The following TNFSF8 variants were observed in gnomAD, a reference collection of about 807,000 sequenced individuals.
TNFSF8 encodes tumor necrosis factor ligand superfamily member 8.
TNFSF8 carries 4 observed loss-of-function variants against 22.0 expected under a neutral mutation model. The observed-to-expected ratio is 0.18, with a 90% CI of 0.09 to 0.42. The LOEUF (loss-of-function observed/expected upper bound fraction) is 0.42. Ranked by LOEUF, TNFSF8 falls within the 10% of genes least tolerant of loss-of-function variation. The pLI is 1.00. For synonymous variants in TNFSF8, 106 were observed against 112.5 expected, an observed-to-expected ratio of 0.94 and a Z score of 0.37; for missense variants, 233 against 281.8, an observed-to-expected ratio of 0.83 and a Z score of 1.24.
At chr9:114,928,330 C>A (rs956280235) in intron 1 of TNFSF8, among the ~76,000 whole-genome samples, 13 of 152,292 alleles carry the variant, frequency 8.5e-5, no homozygotes, top group South Asian at 2.1e-4. Flanking sequence ...TTGGCTCTAC[C>A]ACTTTCTCAG....
At position 114,903,591 on chromosome 9, in the gene TNFSF8, C is replaced by T. The variant is rs1422669643; in HGVS notation, c.*340G>A. 9 of 613,252 alleles carry T rather than the reference C, an allele frequency of 1.5e-5. No individual in the cohort carries two copies. The Admixed American group carries it at 5.1e-4, about 35-fold the overall frequency. The allele number at this position is 613,252 out of a possible 1,614,324, so 38.0% of individuals were successfully genotyped here. A position where few individuals can be genotyped will look rare whatever the true frequency, so the allele number is the denominator to read the frequency against. ...TGCTAGCTGCTCTGGTACTGGAGCC[C>T]CATTTTAACTGGAGGCTCTCAAAAC... is the stretch of plus-strand genomic sequence containing the variant. On this transcript the variant is annotated 3_prime_UTR_variant, in exon 4 of 4. Coordinates refer to ENST00000223795, the MANE Select transcript of TNFSF8 (RefSeq NM_001244.4).
chr9:114,926,211 T>C (rs1286724079), intron 1 of TNFSF8, among the ~76,000 whole-genome samples: 1 of 152,204 alleles, frequency 6.6e-6, no homozygotes, highest in Non-Finnish European at 1.5e-5. Context: ...CTGACATTTA[T>C]TGAAGCGAAA....
chr9:114,908,032 A>G (rs1827805761), intron 2 of TNFSF8, among the ~76,000 whole-genome samples: 2 of 152,120 alleles, frequency 1.3e-5, no homozygotes, highest in East Asian at 3.9e-4. Context: ...TTATCATTAC[A>G]CCTTGGCACT....
At chr9:114,928,034 C>T (rs1427860779) in intron 1 of TNFSF8, among the ~76,000 whole-genome samples, 1 of 151,936 alleles carries the variant, frequency 6.6e-6, no homozygotes, top group East Asian at 1.9e-4. Flanking sequence ...ATGATATGTG[C>T]AATGCATTTG....
intron 2 of TNFSF8, among the ~76,000 whole-genome samples, chr9:114,911,903 C>T (rs1564369504): frequency 6.6e-6 from 1 of 152,140 alleles, no homozygotes; most frequent in Non-Finnish European, 1.5e-5. Flanking sequence ...TAAGAAGCAT[C>T]TTTAAAGTCT....
chr9:114,898,098 G>A (rs1827675724), downstream of TNFSF8, among the ~76,000 whole-genome samples: 1 of 151,646 alleles, frequency 6.6e-6, no homozygotes, highest in Non-Finnish European at 1.5e-5. Flanking sequence ...TGCCTCCTGG[G>A]TTCACACAAT....
At chr9:114,926,923 A>G (rs899383432) in intron 1 of TNFSF8, among the ~76,000 whole-genome samples, 1 of 147,724 alleles carries the variant, frequency 6.8e-6, no homozygotes, top group Non-Finnish European at 1.5e-5. Context: ...TATAAATATT[A>G]TAAAATATAT....
chr9:114,924,308 C>G (rs1415601187), intron 1 of TNFSF8, among the ~76,000 whole-genome samples: 1 of 152,158 alleles, frequency 6.6e-6, no homozygotes, highest in Non-Finnish European at 1.5e-5. Flanking sequence ...TATCATAACA[C>G]AGTATGTGAC....
At position 114,901,364 on chromosome 9, in the gene TNFSF8, T is replaced by G; in HGVS notation, c.*2567A>C. 1.0e-6 allele frequency: 1 copy of G among 985,428 alleles called. No homozygotes were observed. Among genetic ancestry groups the G allele is most frequent in the Non-Finnish European group, 1.2e-6 (1 of 829,908 alleles). 61.0% of individuals were successfully genotyped at this position (985,428 alleles called of 1,614,324 possible). A position where few individuals can be genotyped will look rare whatever the true frequency, so the allele number is the denominator to read the frequency against. On this transcript the variant is annotated 3_prime_UTR_variant, in exon 4 of 4. Transcript: ENST00000223795. ...TTGGTTACATTATTCATTTAAATGA[T>G]GTACCCCTTGTGTCTTTAGGTGTTG... is the stretch of plus-strand genomic sequence containing the variant.
intron 4 of TNFSF8, among the ~76,000 whole-genome samples, chr9:114,894,989 G>C (rs963099840): frequency 6.6e-6 from 1 of 152,168 alleles, no homozygotes; most frequent in African/African-American, 2.4e-5. Flanking sequence ...GGTAAAATGA[G>C]ACTCATTGTG....
At chr9:114,894,957 C>T (rs970631528) in intron 4 of TNFSF8, among the ~76,000 whole-genome samples, 39 of 152,232 alleles carry the variant, frequency 2.6e-4, no homozygotes, top group African/African-American at 6.0e-4. Flanking sequence ...CTGTGCCATG[C>T]GCTGACTGCA....
At chr9:114,916,610 C>T (rs987401758) in intron 2 of TNFSF8, among the ~76,000 whole-genome samples, 3 of 152,144 alleles carry the variant, frequency 2.0e-5, no homozygotes, top group African/African-American at 7.2e-5. Context: ...TCCAAAGCTC[C>T]GTGTGAACGT....
At position 114,923,511 on chromosome 9, in the gene TNFSF8, TTTCTTTCTTTC is replaced by T. The variant is rs1314442643; in HGVS notation, c.196-5384_196-5374del. Among the ~76,000 whole-genome samples the T allele has an allele frequency of 2.2e-3, 191 of 87,020 alleles. 3 individuals carry two copies. In the East Asian group the frequency reaches 0.035, roughly 16 times the overall value. The allele number at this position is 87,020 out of a possible 152,430, so 57.1% of individuals were successfully genotyped here. A position where few individuals can be genotyped will look rare whatever the true frequency, so the allele number is the denominator to read the frequency against. ...CTTTCTTTCTTTCTTTCTTTCTTTC[TTTCTTTCTTTC>T]TTTTTTTTTTTTTGAGATGAAATCT... is the stretch of plus-strand genomic sequence containing the variant. On this transcript the variant is annotated intron_variant, in intron 1 of 3. Coordinates refer to ENST00000223795, the MANE Select transcript of TNFSF8 (RefSeq NM_001244.4).
intron 1 of TNFSF8, among the ~76,000 whole-genome samples, chr9:114,924,780 C>T (rs1828035567): frequency 6.6e-6 from 1 of 152,170 alleles, no homozygotes; most frequent in Non-Finnish European, 1.5e-5. Context: ...CATTCTGTGC[C>T]ATTCTGCCCG....
chr9:114,929,109 C>G (rs538855834), intron 1 of TNFSF8, among the ~76,000 whole-genome samples: 14 of 152,322 alleles, frequency 9.2e-5, no homozygotes, highest in African/African-American at 3.1e-4. Context: ...GCTATTACTA[C>G]AGCATTTTCT....
intron 1 of TNFSF8, among the ~76,000 whole-genome samples, chr9:114,926,369 G>A (rs969084165): frequency 1.3e-5 from 2 of 152,154 alleles, no homozygotes; most frequent in African/African-American, 4.8e-5. Context: ...GGCGGAGCTT[G>A]CAGTGAGCAG....
At chr9:114,908,057 C>T (rs915749079) in intron 2 of TNFSF8, among the ~76,000 whole-genome samples, 3 of 152,184 alleles carry the variant, frequency 2.0e-5, no homozygotes, top group African/African-American at 7.2e-5. Context: ...GGGCTCTCTA[C>T]CTGGACTGCC....
intron 2 of TNFSF8, among the ~76,000 whole-genome samples, chr9:114,917,615 A>T (rs1341450208): frequency 6.6e-6 from 1 of 152,184 alleles, no homozygotes; most frequent in African/African-American, 2.4e-5. Flanking sequence ...CATTTTAGCT[A>T]TTACTAGTTA....
chr9:114,898,477 T>C (rs1310589836), downstream of TNFSF8, among the ~76,000 whole-genome samples: 1 of 152,192 alleles, frequency 6.6e-6, no homozygotes, highest in Non-Finnish European at 1.5e-5. Context: ...GAGGCAGTGC[T>C]GTGAGTTAGG....
Sources: allele counts gnomAD v4.1 joint callset (sites outside exome capture counted in the v4.1 genomes callset), GRCh38; gene constraint gnomAD v4.1.1; transcripts MANE v1.5; gene names NCBI Gene and HGNC (gene_info 2026-07-23, HGNC 2026-07-21).